Variants in PKP4 observed in about 807,000 individuals in gnomAD.
The protein encoded by PKP4 is plakophilin 4, also known as plakophilin-4.
In PKP4, 90 loss-of-function variants were observed where a neutral mutation model predicts 145.1. The observed-to-expected ratio is 0.62, with a 90% CI of 0.52 to 0.74. The LOEUF (loss-of-function observed/expected upper bound fraction) is 0.74, where lower values mean the gene tolerates loss of function less well. Among genes scored for constraint, PKP4 ranks in the 30% least tolerant of loss-of-function variants. The pLI is 0.00. For missense variants in PKP4, 1,340 were observed against 1,482.7 expected, an observed-to-expected ratio of 0.90 and a Z score of 1.58; for synonymous variants, 563 against 577.2, an observed-to-expected ratio of 0.98 and a Z score of 0.35.
intron 1 of PKP4, among the ~76,000 whole-genome samples, chr2:158,478,501 A>G (rs79077595): frequency 0.2 from 29,953 of 152,152 alleles, 3,794 homozygotes; most frequent in Middle Eastern, 0.34. Context: ...GCAAGCCTGT[A>G]GTCTGCCCAC....
intron 2 of PKP4, among the ~76,000 whole-genome samples, chr2:158,556,894 A>G (rs10933490): frequency 0.53 from 80,842 of 151,942 alleles, 22,063 homozygotes; most frequent in East Asian, 0.82. Flanking sequence ...GGCTTATATT[A>G]TTTTTAAGAG....
intron 1 of PKP4, among the ~76,000 whole-genome samples, chr2:158,520,893 A>G (rs1574250937): frequency 6.6e-6 from 1 of 152,210 alleles, no homozygotes; most frequent in East Asian, 1.9e-4. Context: ...GTTGACAGTC[A>G]TCCTTGTTTT....
chr2:158,620,393 G>A (rs890157094), intron 4 of PKP4, among the ~76,000 whole-genome samples: 2 of 152,090 alleles, frequency 1.3e-5, no homozygotes, highest in African/African-American at 4.8e-5. Context: ...AGTTTGGCTG[G>A]AAGAAACAAT....
intron 1 of PKP4, among the ~76,000 whole-genome samples, chr2:158,515,970 A>G (rs560760969): frequency 4.0e-5 from 6 of 151,560 alleles, no homozygotes; most frequent in Non-Finnish European, 4.4e-5. Flanking sequence ...CGTGTGACCT[A>G]GGAGTTCAAG....
chr2:158,619,137 C>G (rs560364293), intron 4 of PKP4, among the ~76,000 whole-genome samples: 1 of 152,270 alleles, frequency 6.6e-6, no homozygotes, highest in East Asian at 1.9e-4. Flanking sequence ...TATTCCAATT[C>G]CTTGGTATTT....
At chr2:158,591,428 C>T (rs2049269063) in intron 3 of PKP4, among the ~76,000 whole-genome samples, 1 of 151,624 alleles carries the variant, frequency 6.6e-6, no homozygotes, top group Non-Finnish European at 1.5e-5. Context: ...CAAAATAATC[C>T]AGTAATGTAG....
chr2:158,532,962 C>T (rs957980512), intron 1 of PKP4, among the ~76,000 whole-genome samples: 8 of 152,120 alleles, frequency 5.3e-5, no homozygotes, highest in African/African-American at 1.9e-4. Flanking sequence ...TGAAAACAGA[C>T]CCCTATAGCA....
At chr2:158,544,393 C>T (rs1178037585) in intron 2 of PKP4, among the ~76,000 whole-genome samples, 3 of 152,056 alleles carry the variant, frequency 2.0e-5, no homozygotes, top group Non-Finnish European at 4.4e-5. Context: ...CACTTATTTC[C>T]TTTTGGGAAG....
intron 4 of PKP4, among the ~76,000 whole-genome samples, chr2:158,612,611 C>T (rs1223080955): frequency 6.6e-6 from 1 of 152,110 alleles, no homozygotes; most frequent in Non-Finnish European, 1.5e-5. Flanking sequence ...GTAGTCCTAT[C>T]TACACTTACT....
chr2:158,533,306 T>A lies in PKP4; in HGVS notation c.122T>A (p.Val41Glu). 6.2e-7 allele frequency: 1 copy of A among 1,614,184 alleles called. No homozygotes were observed. Among genetic ancestry groups the A allele is most frequent in the Non-Finnish European group, 8.5e-7 (1 of 1,180,010 alleles). ...ACAGCCACCACTATTCTAGCATCCG[T>A]GAAGGAGCAGGTACATCCTCGTATT... ...ETTATTILASVKEQELQFQRL... is the reference protein window; with the variant it reads ...ETTATTILASEKEQELQFQRL... Residue 41 changes from valine (V) to glutamate (E), a missense_variant, in exon 2 of 22, where the codon GTG becomes GAG. Coordinates refer to ENST00000389759, the MANE Select transcript of PKP4 (RefSeq NM_003628.6).
intron 4 of PKP4, among the ~76,000 whole-genome samples, chr2:158,620,698 G>T (rs2052139424): frequency 6.6e-6 from 1 of 152,188 alleles, no homozygotes; most frequent in Non-Finnish European, 1.5e-5. Context: ...GAAGGTGTCT[G>T]AGAGGTCAGT....
At chr2:158,578,941 A>C (rs1370477828) in intron 3 of PKP4, among the ~76,000 whole-genome samples, 1 of 99,232 alleles carries the variant, frequency 1.0e-5, no homozygotes, top group East Asian at 2.5e-4. Flanking sequence ...CAAACCTCAA[A>C]GTAAGCACTA....
rs1478601928 is a variant in PKP4 at position 158,533,232 on chromosome 2, G to C, written c.48G>C (p.Gln16His). Residue 16 changes from glutamine to histidine, a missense_variant, in exon 2 of 22, where the codon CAG becomes CAC. By Grantham distance (24) the Gln-to-His change is conservative. Coordinates refer to ENST00000389759, the MANE Select transcript of PKP4 (RefSeq NM_003628.6). ...QASLVEEGQP[Q>H]TRQEAASTGP... Reference sequence around the variant, plus strand: ...CATTGGTGGAGGAGGGGCAACCACAGACCCGCCAGGAAGCTGCCTCCACTG... The same window carrying C: ...CATTGGTGGAGGAGGGGCAACCACACACCCGCCAGGAAGCTGCCTCCACTG... 6.2e-7 allele frequency: 1 copy of C among 1,613,928 alleles called. No homozygotes were observed. Among genetic ancestry groups the C allele is most frequent in the Non-Finnish European group, 8.5e-7 (1 of 1,180,018 alleles).
intron 3 of PKP4, among the ~76,000 whole-genome samples, chr2:158,592,435 C>T (rs2105822175): frequency 6.6e-6 from 1 of 152,142 alleles, no homozygotes; most frequent in East Asian, 1.9e-4. Context: ...TTCATTCCTC[C>T]TTCTGCACTA....
At chr2:158,473,026 A>G (rs1195736435) in intron 1 of PKP4, among the ~76,000 whole-genome samples, 3 of 152,254 alleles carry the variant, frequency 2.0e-5, no homozygotes, top group African/African-American at 7.2e-5. Context: ...TCAAAAAAGG[A>G]CATCCATGTG....
At chr2:158,521,658 G>A (rs2042382415) in intron 1 of PKP4, among the ~76,000 whole-genome samples, 1 of 152,128 alleles carries the variant, frequency 6.6e-6, no homozygotes, top group Admixed American at 6.5e-5. Flanking sequence ...ACTGCAAAAA[G>A]TTTATCTGAT....
intron 16 of PKP4, 42 bp from the exon 17 acceptor site, chr2:158,669,677 TA>T: frequency 1.4e-6 from 2 of 1,449,918 alleles, no homozygotes. Flanking sequence ...AACAAAAACC[TA>T]GTACCTTCTG....
intron 1 of PKP4, among the ~76,000 whole-genome samples, chr2:158,477,423 G>C (rs183646194): frequency 1.9e-4 from 29 of 152,230 alleles, no homozygotes; most frequent in Admixed American, 1.9e-3. Flanking sequence ...CTCAGCTGGA[G>C]GTGTGCTTTT....
rs756189075 is a variant in PKP4 at position 158,612,115 on chromosome 2, G to GCA, written c.281-8858_281-8857dup. 8.5e-3 allele frequency among the ~76,000 whole-genome samples: 1,257 copies of GCA among 148,234 alleles called. 12 individuals are homozygous for GCA. Among genetic ancestry groups the GCA allele is most frequent in the African/African-American group, 0.026 (1,037 of 40,470 alleles). On this transcript the variant is annotated intron_variant, in intron 4 of 21. Coordinates refer to ENST00000389759, the MANE Select transcript of PKP4 (RefSeq NM_003628.6). ...CCATGACCAACACACCTACACAACTGCACACACACACACACACATAATGTA... is the reference window on the plus strand; with the variant it reads ...CCATGACCAACACACCTACACAACTGCACACACACACACACACACATAATGTA...
Sources: gnomAD v4.1 joint callset for allele counts (sites outside exome capture counted in the v4.1 genomes callset) on GRCh38, gnomAD v4.1.1 for gene constraint, MANE v1.5 for transcripts, NCBI Gene and HGNC (gene_info 2026-07-23, HGNC 2026-07-21) for gene names.